Variants in KIZ observed in about 807,000 individuals in gnomAD.
KIZ encodes the protein kizuna centrosomal protein.
In KIZ, 68 loss-of-function variants were observed where a neutral mutation model predicts 79.6. That is an observed-to-expected ratio of 0.85 (90% CI 0.70 to 1.05). The LOEUF is 1.05. KIZ is among the 50% of genes least tolerant of loss of function. The pLI is 0.00. For missense variants in KIZ, 797 were observed against 800.4 expected (o/e 1.00, Z 0.05); for synonymous variants, 280 against 281.8 (o/e 0.99, Z 0.06).
At chr20:21,166,375 TC>T (rs2122739679) in intron 6 of KIZ, 2 of 1,599,960 alleles carry the variant, frequency 1.3e-6, no homozygotes, top group East Asian at 4.5e-5. Context: ...CTGGAGCTGA[TC>T]ACTCCACACT....
At chr20:21,203,718 C>T (rs1415202694) in intron 6 of KIZ, among the ~76,000 whole-genome samples, 2 of 152,062 alleles carry the variant, frequency 1.3e-5, no homozygotes, top group African/African-American at 4.8e-5. Context: ...TCTTTATTTA[C>T]CAATTTGCAG....
intron 3 of KIZ, 53 bp from the exon 4 acceptor site, chr20:21,145,512 A>G (rs747668806): frequency 1.5e-5 from 12 of 815,280 alleles, no homozygotes; most frequent in Middle Eastern, 2.6e-4. Flanking sequence ...GTATACAGAC[A>G]GGTGCTAGTT....
At chr20:21,224,750 C>G (rs1395018981) in intron 9 of KIZ, among the ~76,000 whole-genome samples, 2 of 152,178 alleles carry the variant, frequency 1.3e-5, no homozygotes, top group Non-Finnish European at 2.9e-5. Context: ...ACGTGTTTGT[C>G]TGGCTCTTGT....
chr20:21,238,334 TGAGAGA>T (rs1555889283), intron 11 of KIZ, among the ~76,000 whole-genome samples: 2 of 95,662 alleles, frequency 2.1e-5, no homozygotes, highest in Admixed American at 1.1e-4. Flanking sequence ...CATAAGGGTG[TGAGAGA>T]GAGAGAGAGA....
intron 6 of KIZ, among the ~76,000 whole-genome samples, chr20:21,185,714 C>CT (rs34999241): frequency 0.015 from 2,096 of 138,354 alleles, 45 homozygotes; most frequent in African/African-American, 0.049. Flanking sequence ...CCCAACCCTA[C>CT]TTTTTTTTTT....
intron 1 of KIZ, among the ~76,000 whole-genome samples, chr20:21,129,139 T>G (rs1392254097): frequency 6.6e-6 from 1 of 152,098 alleles, no homozygotes; most frequent in Non-Finnish European, 1.5e-5. Context: ...TAAAAAGACA[T>G]GGAGGGCTCA....
intron 1 of KIZ, among the ~76,000 whole-genome samples, chr20:21,128,404 A>G (rs536874201): frequency 6.6e-6 from 1 of 152,284 alleles, no homozygotes; most frequent in East Asian, 1.9e-4. Context: ...TTTCATAGGG[A>G]GCAACCCTGG....
At chr20:21,200,875 T>A (rs1356879101) in intron 6 of KIZ, among the ~76,000 whole-genome samples, 2 of 152,176 alleles carry the variant, frequency 1.3e-5, no homozygotes, top group Admixed American at 1.3e-4. Context: ...TTGATTTATG[T>A]TATATCAAGG....
At chr20:21,136,716 C>T (rs1433731288) in intron 3 of KIZ, among the ~76,000 whole-genome samples, 164 bp downstream of exon 3, 1 of 151,984 alleles carries the variant, frequency 6.6e-6, no homozygotes, top group Admixed American at 6.6e-5. Flanking sequence ...TACAGGTGCA[C>T]ACCCCATGTA....
chr20:21,129,506 G>A (rs1205143853), intron 1 of KIZ, among the ~76,000 whole-genome samples: 1 of 152,078 alleles, frequency 6.6e-6, no homozygotes, highest in African/African-American at 2.4e-5. Context: ...AGGCAGAGGC[G>A]GGTGGATCAC....
rs139613855 is a variant in KIZ, at chr20:21,127,976, C to T, written c.89+1772C>T. Among the ~76,000 whole-genome samples, 645 of 152,322 alleles carry T rather than the reference C, an allele frequency of 4.2e-3. 3 individuals carry two copies. Among genetic ancestry groups the T allele is most frequent in the South Asian group, 0.026 (124 of 4,830 alleles). On this transcript the variant is annotated intron_variant, in intron 1 of 12. Transcript: ENST00000619189. ...AGCAATGTGTAAAGAATATTATTGTCTGTATCCAATTTGAGTGTTTGGATG... is the reference window on the plus strand; with the variant it reads ...AGCAATGTGTAAAGAATATTATTGTTTGTATCCAATTTGAGTGTTTGGATG...
chr20:21,208,111 T>C (rs1448058224), intron 7 of KIZ, among the ~76,000 whole-genome samples: 1 of 152,206 alleles, frequency 6.6e-6, no homozygotes, highest in Non-Finnish European at 1.5e-5. Flanking sequence ...GCTTGTTCAC[T>C]GCAAGTACAT....
intron 4 of KIZ, 68 bp from the exon 5 acceptor site, chr20:21,161,803 A>AG (rs1377256371): frequency 8.8e-7 from 1 of 1,139,470 alleles, no homozygotes; most frequent in Admixed American, 2.8e-5. Flanking sequence ...ATTTCTGGAA[A>AG]AAAAAAAAAA....
intron 6 of KIZ, chr20:21,198,202 A>G (rs1276449200): frequency 5.2e-5 from 8 of 152,530 alleles, no homozygotes; most frequent in African/African-American, 1.7e-4. Context: ...AGCTGGGGCT[A>G]CAGGCGCCTG....
chr20:21,221,270 T>C (rs1257940911), intron 9 of KIZ, among the ~76,000 whole-genome samples: 1 of 152,210 alleles, frequency 6.6e-6, no homozygotes, highest in African/African-American at 2.4e-5. Flanking sequence ...GCAGCTATGC[T>C]AAATGTCATA....
chr20:21,190,568 C>A (rs1270661093), intron 6 of KIZ, among the ~76,000 whole-genome samples: 1 of 152,148 alleles, frequency 6.6e-6, no homozygotes, highest in Non-Finnish European at 1.5e-5. Context: ...ATTGAATTAG[C>A]CTCTCAGGTT....
At chr20:21,162,767 A>C (rs1313776610) in intron 5 of KIZ, 83 bp from the exon 6 acceptor site, 6 of 1,115,728 alleles carry the variant, frequency 5.4e-6, no homozygotes, top group Non-Finnish European at 6.4e-6. Context: ...CCATGTTTTT[A>C]ACTGATGAGT....
intron 7 of KIZ, among the ~76,000 whole-genome samples, chr20:21,213,372 A>G (rs1408246225): frequency 6.6e-6 from 1 of 152,006 alleles, no homozygotes. Context: ...TGTTTTTTCC[A>G]CCTTGTTCAC....
chr20:21,193,287 A>T (rs2035193942), intron 6 of KIZ, among the ~76,000 whole-genome samples: 1 of 152,224 alleles, frequency 6.6e-6, no homozygotes, highest in Non-Finnish European at 1.5e-5. Flanking sequence ...TTAACTCACC[A>T]AAAAGATAAC....
Sources: allele counts gnomAD v4.1 joint callset (sites outside exome capture counted in the v4.1 genomes callset), GRCh38; gene constraint gnomAD v4.1.1; transcripts MANE v1.5; gene names NCBI Gene and HGNC (gene_info 2026-07-23, HGNC 2026-07-21).